Variants in PDE1C observed in about 807,000 individuals in gnomAD.
PDE1C encodes phosphodiesterase 1C, also known as dual specificity calcium/calmodulin-dependent 3',5'-cyclic nucleotide phosphodiesterase 1C.
PDE1C carries 62 observed loss-of-function variants against 93.1 expected under a neutral mutation model. The observed-to-expected ratio is 0.67, with a 90% CI of 0.54 to 0.82. The LOEUF is 0.82. PDE1C is among the 40% of genes least tolerant of loss of function. The probability of loss-of-function intolerance (pLI) is 0.00; values close to 1 mark genes in which losing one functional copy is unlikely to be tolerated. For missense variants in PDE1C, 742 were observed against 884.6 expected, an observed-to-expected ratio of 0.84 and a Z score of 2.04; for synonymous variants, 325 against 310.1, an observed-to-expected ratio of 1.05 and a Z score of -0.50.
chr7:31,781,705 A>C (rs1424217911), intron 16 of PDE1C, among the ~76,000 whole-genome samples: 1 of 119,538 alleles, frequency 8.4e-6, no homozygotes, highest in African/African-American at 3.2e-5. Flanking sequence ...CCCACCCCCC[A>C]CACACTGCCC....
the PDE1C span, among the ~76,000 whole-genome samples, chr7:31,736,540 C>A: frequency 6.6e-6 from 1 of 152,044 alleles, no homozygotes; most frequent in African/African-American, 2.4e-5. Flanking sequence ...CTTGGTCCAA[C>A]CGTGTGGCTT....
Position 32,210,920 on chromosome 7 carries a change from A to AG in PDE1C, c.86-1382_86-1381insC, listed in dbSNP as rs200961042. ...GTCTGTCACACCGCAGCATTTCAAA[A>AG]AAAGAAAGAAATGGGCCTGGCGCGG... is the stretch of plus-strand genomic sequence containing the variant. On this transcript the variant is annotated intron_variant, in intron 1 of 18. Transcript: ENST00000396193. 6.4e-3 allele frequency among the ~76,000 whole-genome samples: 975 copies of AG among 152,340 alleles called. 11 individuals are homozygous for AG. The highest frequency in any genetic ancestry group is 0.022 in the African/African-American group (926 of 41,580).
chr7:32,067,994 CAAG>C (rs1186292165), intron 1 of PDE1C, among the ~76,000 whole-genome samples: 5 of 152,216 alleles, frequency 3.3e-5, no homozygotes, highest in South Asian at 2.1e-4. Flanking sequence ...GCGATACCAA[CAAG>C]AAGGAGATGC....
At chr7:31,664,124 C>G in the PDE1C span, among the ~76,000 whole-genome samples, 1 of 152,194 alleles carries the variant, frequency 6.6e-6, no homozygotes, top group South Asian at 2.1e-4. Flanking sequence ...GAACCAAACT[C>G]TGAACCACTG....
intron 11 of PDE1C, among the ~76,000 whole-genome samples, chr7:31,829,388 A>T (rs756182622): frequency 5.9e-5 from 9 of 152,166 alleles, no homozygotes; most frequent in Admixed American, 5.9e-4. Flanking sequence ...TAAGGCCAAG[A>T]CTCGAGAAAC....
chr7:32,324,432 A>G (rs1373495119), intron 1 of PDE1C, among the ~76,000 whole-genome samples: 1 of 152,076 alleles, frequency 6.6e-6, no homozygotes, highest in Non-Finnish European at 1.5e-5. Context: ...TTGTTTTCCA[A>G]CTCCTTTAAG....
At position 32,418,323 on chromosome 7, in the gene PDE1C, C is replaced by G. The variant is rs553536364; in HGVS notation, c.310+9499G>C. Among the ~76,000 whole-genome samples the G allele has an allele frequency of 3.9e-5, 6 of 152,316 alleles. No homozygotes were observed. The South Asian group carries it at 1.2e-3, about 32-fold the overall frequency. On this transcript the variant is annotated intron_variant, in intron 1 of 1. Transcript: ENST00000672256. ...GGTTCAAGTAAGACCCCCGTACTCA[C>G]TAGATGTGCAACCTCAGATAATTCC...
At chr7:32,344,731 A>G (rs1783819154) in intron 1 of PDE1C, among the ~76,000 whole-genome samples, 1 of 151,864 alleles carries the variant, frequency 6.6e-6, no homozygotes, top group Non-Finnish European at 1.5e-5. Context: ...ATACAGCATA[A>G]TTTTCCTCCC....
At chr7:32,013,024 C>T (rs1012328053) in intron 2 of PDE1C, among the ~76,000 whole-genome samples, 4 of 152,156 alleles carry the variant, frequency 2.6e-5, no homozygotes, top group Non-Finnish European at 1.5e-5. Flanking sequence ...TTCTTAGTTT[C>T]TAATGTCCTG....
At chr7:32,179,386 G>A (rs559813517) in intron 2 of PDE1C, among the ~76,000 whole-genome samples, 2 of 151,102 alleles carry the variant, frequency 1.3e-5, no homozygotes, top group African/African-American at 4.9e-5. Flanking sequence ...TCAGCCTCCT[G>A]AGCAGCTGAG....
the PDE1C span, among the ~76,000 whole-genome samples, chr7:31,654,206 A>G: frequency 6.6e-6 from 1 of 152,200 alleles, no homozygotes; most frequent in Non-Finnish European, 1.5e-5. Context: ...AGGGAAGGCT[A>G]TTTGGGTAAG....
At chr7:31,995,511 T>C (rs1784614943) in intron 2 of PDE1C, among the ~76,000 whole-genome samples, 1 of 152,226 alleles carries the variant, frequency 6.6e-6, no homozygotes, top group Non-Finnish European at 1.5e-5. Context: ...TTTAAAATTA[T>C]GTTTAAAATT....
intron 3 of PDE1C, among the ~76,000 whole-genome samples, chr7:32,138,720 G>A (rs528172475): frequency 6.6e-6 from 1 of 152,058 alleles, no homozygotes; most frequent in Admixed American, 6.6e-5. Flanking sequence ...TGTAGTTGAG[G>A]ATTGTTAATT....
intron 1 of PDE1C, among the ~76,000 whole-genome samples, chr7:32,372,727 C>T (rs1784354683): frequency 6.6e-6 from 1 of 152,110 alleles, no homozygotes; most frequent in African/African-American, 2.4e-5. Flanking sequence ...ATAAGGGACT[C>T]ATACAGAATA....
intron 2 of PDE1C, among the ~76,000 whole-genome samples, chr7:31,938,795 C>T (rs1456844872): frequency 1.3e-5 from 2 of 151,752 alleles, no homozygotes; most frequent in Admixed American, 6.6e-5. Context: ...TAGCTCCTAG[C>T]ACATAAAACT....
intron 1 of PDE1C, among the ~76,000 whole-genome samples, chr7:32,280,843 A>G (rs1481630578): frequency 6.6e-6 from 1 of 152,140 alleles, no homozygotes; most frequent in Non-Finnish European, 1.5e-5. Flanking sequence ...AAATTATCAG[A>G]GTGTGGTGGT....
Position 32,179,513 on chromosome 7 carries a change from C to A in PDE1C, c.137-9557G>T, listed in dbSNP as rs139929143. ...TGACCTCGTGATCCGCCTGCCTCGG[C>A]CTACCAAAGTGCTGGCATTACAGGC... On this transcript the variant is annotated intron_variant, in intron 2 of 18. Coordinates refer to the PDE1C transcript ENST00000396193. Among the ~76,000 whole-genome samples, 62 of 152,120 alleles carry A rather than the reference C, an allele frequency of 4.1e-4. 2 individuals carry two copies. The highest frequency in any genetic ancestry group is 3.3e-4 in the Admixed American group (5 of 15,270).
chr7:31,787,265 T>C (rs1184348493), intron 16 of PDE1C: 1 of 152,176 alleles, frequency 6.6e-6, no homozygotes, highest in Non-Finnish European at 1.5e-5. Flanking sequence ...TTTAAGTGTA[T>C]CAGATCCACA....
chr7:31,973,491 T>G lies in PDE1C; in HGVS notation c.128+78063A>C, dbSNP rs573074910. On this transcript the variant is annotated intron_variant, in intron 2 of 17. Transcript: ENST00000396191. Reference sequence around the variant, plus strand: ...GTCAAAGTTTGATGTTATTTTTCACTGAGAAAACTTTGCATAACAACAGCT... The same window carrying G: ...GTCAAAGTTTGATGTTATTTTTCACGGAGAAAACTTTGCATAACAACAGCT... Among the ~76,000 whole-genome samples, 5 of 152,298 alleles carry G rather than the reference T, an allele frequency of 3.3e-5. No homozygotes were observed. In the South Asian group the frequency reaches 1.0e-3, roughly 32 times the overall value.
Sources: gnomAD v4.1 joint callset for allele counts (sites outside exome capture counted in the v4.1 genomes callset) on GRCh38, gnomAD v4.1.1 for gene constraint, MANE v1.5 for transcripts, NCBI Gene and HGNC (gene_info 2026-07-23, HGNC 2026-07-21) for gene names.